The following R3HDM1 variants were observed in gnomAD, a reference collection of about 807,000 sequenced individuals.
The protein encoded by R3HDM1 is R3H domain-containing protein 1.
A neutral mutation model predicts 141.1 loss-of-function variants in R3HDM1; 46 were observed. The ratio of observed to expected loss-of-function variants is 0.33; its 90% confidence interval spans 0.26 to 0.42. The LOEUF (loss-of-function observed/expected upper bound fraction) is 0.42, where lower values mean the gene tolerates loss of function less well. Among genes scored for constraint, R3HDM1 ranks in the 10% least tolerant of loss-of-function variants. The probability of loss-of-function intolerance (pLI) is 1.00; values close to 1 mark genes in which losing one functional copy is unlikely to be tolerated. For synonymous variants in R3HDM1, 435 were observed against 472.9 expected, an observed-to-expected ratio of 0.92 and a Z score of 1.04; for missense variants, 1,184 against 1,368.3, an observed-to-expected ratio of 0.87 and a Z score of 2.12.
intron 19 of R3HDM1, among the ~76,000 whole-genome samples, chr2:135,663,438 GT>G (rs1361116478): frequency 8.1e-4 from 123 of 152,294 alleles, no homozygotes; most frequent in African/African-American, 2.7e-3. Context: ...CCTTTCAGCT[GT>G]TTTATATAGT....
chr2:135,637,521 G>A (rs369709458), intron 11 of R3HDM1, among the ~76,000 whole-genome samples: 7 of 152,014 alleles, frequency 4.6e-5, no homozygotes, highest in African/African-American at 9.7e-5. Context: ...GATGGTGCAC[G>A]TCTGTAGTCC....
intron 1 of R3HDM1, among the ~76,000 whole-genome samples, chr2:135,545,756 A>T (rs972673938): frequency 6.6e-5 from 10 of 152,074 alleles, no homozygotes; most frequent in African/African-American, 2.2e-4. Context: ...ATTTGGGGGG[A>T]CACTTGTGAC....
At chr2:135,670,537 G>A (rs2068184442) in intron 19 of R3HDM1, 1 of 423,170 alleles carries the variant, frequency 2.4e-6, no homozygotes, top group Non-Finnish European at 3.2e-6. Context: ...GAAATAGTCT[G>A]TGTCATATAA....
chr2:135,709,879 A>T (rs1011861451), intron 22 of R3HDM1, among the ~76,000 whole-genome samples, 180 bp from the exon 23 acceptor site: 1 of 152,208 alleles, frequency 6.6e-6, no homozygotes, highest in African/African-American at 2.4e-5. Flanking sequence ...AGTCCATCTT[A>T]ATGCCTGTTT....
intron 21 of R3HDM1, among the ~76,000 whole-genome samples, chr2:135,706,203 T>C (rs2074889567): frequency 6.6e-6 from 1 of 152,016 alleles, no homozygotes; most frequent in African/African-American, 2.4e-5. Context: ...CCAGTGATCT[T>C]GTAGAAGCAT....
chr2:135,539,248 T>C (rs1469748115), intron 1 of R3HDM1, among the ~76,000 whole-genome samples: 3 of 152,182 alleles, frequency 2.0e-5, no homozygotes, highest in Non-Finnish European at 4.4e-5. Flanking sequence ...CATAAATCAG[T>C]ATCATAGTCA....
intron 1 of R3HDM1, among the ~76,000 whole-genome samples, chr2:135,537,273 C>T (rs1469235355): frequency 6.2e-5 from 8 of 129,314 alleles, no homozygotes; most frequent in Non-Finnish European, 8.0e-5. Flanking sequence ...GAGCATTAGT[C>T]TGTCTTTTTT....
At chr2:135,720,404 T>G (rs1305880582) in intron 24 of R3HDM1, among the ~76,000 whole-genome samples, 1 of 152,248 alleles carries the variant, frequency 6.6e-6, no homozygotes, top group Admixed American at 6.5e-5. Flanking sequence ...GATGCTTTCC[T>G]AGCACCTACT....
chr2:135,547,610 C>G (rs1366353268), intron 1 of R3HDM1, among the ~76,000 whole-genome samples: 1 of 151,728 alleles, frequency 6.6e-6, no homozygotes, highest in Non-Finnish European at 1.5e-5. Context: ...CTTCACTGCC[C>G]TACTAGGTTG....
At chr2:135,685,165 A>G (rs1444818361) in intron 21 of R3HDM1, among the ~76,000 whole-genome samples, 1 of 152,188 alleles carries the variant, frequency 6.6e-6, no homozygotes, top group African/African-American at 2.4e-5. Context: ...ATAATTTTAT[A>G]TAAGTAATAT....
intron 1 of R3HDM1, among the ~76,000 whole-genome samples, chr2:135,591,145 A>G (rs1709180987): frequency 6.6e-6 from 1 of 152,174 alleles, no homozygotes; most frequent in Non-Finnish European, 1.5e-5. Context: ...GAAGTTTCAC[A>G]TTTTAAGCCA....
chr2:135,563,899 C>T (rs572152603), intron 1 of R3HDM1, among the ~76,000 whole-genome samples: 7 of 152,088 alleles, frequency 4.6e-5, no homozygotes, highest in East Asian at 1.9e-4. Context: ...CTGCTCCTGG[C>T]GAGGGCTTCA....
intron 3 of R3HDM1, 143 bp from the exon 4 acceptor site, chr2:135,616,009 C>A: frequency 1.7e-6 from 1 of 603,880 alleles, no homozygotes; most frequent in Non-Finnish European, 2.8e-6. Flanking sequence ...GGAATCAGTA[C>A]TCCTTTACTG....
At chr2:135,571,573 G>A (rs1407919926) in intron 1 of R3HDM1, among the ~76,000 whole-genome samples, 4 of 152,052 alleles carry the variant, frequency 2.6e-5, no homozygotes, top group Admixed American at 6.6e-5. Context: ...CAGTTCGCCC[G>A]CCTCAGCCTC....
At chr2:135,560,377 G>A (rs1701573634) in intron 1 of R3HDM1, among the ~76,000 whole-genome samples, 1 of 152,098 alleles carries the variant, frequency 6.6e-6, no homozygotes, top group Admixed American at 6.6e-5. Context: ...GTGCAGTGGC[G>A]CTGTCTCGGC....
At chr2:135,599,892 G>A (rs975108802) in intron 1 of R3HDM1, among the ~76,000 whole-genome samples, 2 of 151,864 alleles carry the variant, frequency 1.3e-5, no homozygotes, top group African/African-American at 2.4e-5. Context: ...AAATTAGCTG[G>A]GCATAGTGGT....
intron 2 of R3HDM1, among the ~76,000 whole-genome samples, chr2:135,604,457 T>TA (rs909129863): frequency 4.6e-5 from 7 of 152,078 alleles, no homozygotes; most frequent in Middle Eastern, 3.4e-3. Flanking sequence ...TTTTTAAATG[T>TA]AAAAAAAACA....
chr2:135,722,574 T>G, intron 26 of R3HDM1, 21 bp downstream of exon 26: 1 of 1,604,198 alleles, frequency 6.2e-7, no homozygotes, highest in Non-Finnish European at 8.5e-7. Context: ...GAGGGGCAAC[T>G]AGATGTGGGT....
At chr2:135,674,097 T>C (rs933420867) in intron 19 of R3HDM1, among the ~76,000 whole-genome samples, 1 of 152,196 alleles carries the variant, frequency 6.6e-6, no homozygotes, top group Non-Finnish European at 1.5e-5. Flanking sequence ...TTAATTTTAA[T>C]GTGTTGCTTT....
Sources: allele counts gnomAD v4.1 joint callset (sites outside exome capture counted in the v4.1 genomes callset), GRCh38; gene constraint gnomAD v4.1.1; transcripts MANE v1.5; gene names NCBI Gene and HGNC (gene_info 2026-07-23, HGNC 2026-07-21).